PDE4D: variants seen among roughly 807,000 people sequenced by gnomAD.
PDE4D encodes phosphodiesterase 4D, also known as 3',5'-cyclic-AMP phosphodiesterase 4D.
In PDE4D, 24 loss-of-function variants were observed where a neutral mutation model predicts 87.4. The observed-to-expected ratio is 0.27, with a 90% CI of 0.20 to 0.39. The LOEUF is 0.39. Among genes scored for constraint, PDE4D ranks in the 10% least tolerant of loss-of-function variants. The pLI, the probability that PDE4D is intolerant of heterozygous loss-of-function variation, is 1.00. For missense variants in PDE4D, 714 were observed against 1,041.0 expected (o/e 0.69, Z 4.32); for synonymous variants, 384 against 383.2 (o/e 1.00, Z -0.02).
intron 3 of PDE4D, among the ~76,000 whole-genome samples, chr5:59,948,278 G>C (rs978578065): frequency 2.0e-5 from 3 of 152,148 alleles, no homozygotes; most frequent in African/African-American, 4.8e-5. Context: ...GGTTATGCCT[G>C]AATTTACATA....
At chr5:60,068,692 G>A (rs1772382680) in intron 2 of PDE4D, among the ~76,000 whole-genome samples, 1 of 152,026 alleles carries the variant, frequency 6.6e-6, no homozygotes, top group African/African-American at 2.4e-5. Flanking sequence ...CACCTCCCAG[G>A]TGCAAGCAAT....
intron 1 of PDE4D, among the ~76,000 whole-genome samples, chr5:60,417,562 T>C (rs959954761): frequency 6.6e-5 from 10 of 152,134 alleles, no homozygotes; most frequent in African/African-American, 2.4e-4. Flanking sequence ...TTATAATAAG[T>C]TGGAACAATA....
chr5:60,154,519 C>T (rs554047086), intron 2 of PDE4D, among the ~76,000 whole-genome samples: 1 of 152,280 alleles, frequency 6.6e-6, no homozygotes, highest in South Asian at 2.1e-4. Flanking sequence ...TATGATCCAT[C>T]CGCCTCAGCC....
At chr5:59,017,970 C>T (rs1472501590) in intron 6 of PDE4D, among the ~76,000 whole-genome samples, 2 of 152,206 alleles carry the variant, frequency 1.3e-5, no homozygotes, top group East Asian at 3.9e-4. Context: ...CATGTGAGTT[C>T]GAATCTTGGC....
chr5:60,043,201 T>C (rs1305612103), intron 2 of PDE4D, among the ~76,000 whole-genome samples: 2 of 151,094 alleles, frequency 1.3e-5, no homozygotes, highest in African/African-American at 2.4e-5. Context: ...ATATCAGAGA[T>C]TGAAGATCAA....
At chr5:60,133,296 T>G (rs1402899139) in intron 2 of PDE4D, among the ~76,000 whole-genome samples, 1 of 152,180 alleles carries the variant, frequency 6.6e-6, no homozygotes, top group Non-Finnish European at 1.5e-5. Flanking sequence ...GAGTTCATAC[T>G]CTGCCACTTA....
At chr5:59,863,960 TGA>T (rs1336607543) in intron 1 of PDE4D, among the ~76,000 whole-genome samples, 4 of 152,134 alleles carry the variant, frequency 2.6e-5, no homozygotes, top group African/African-American at 9.7e-5. Context: ...CCTGGAAGGC[TGA>T]GTCACTGAGC....
chr5:59,075,976 T>G (rs908206981), intron 5 of PDE4D, among the ~76,000 whole-genome samples: 10 of 152,262 alleles, frequency 6.6e-5, no homozygotes, highest in Middle Eastern at 3.4e-3. Context: ...ATTGCAGATC[T>G]TTCTAGAGAG....
At chr5:59,865,650 C>T (rs1020311006) in intron 1 of PDE4D, among the ~76,000 whole-genome samples, 3 of 152,118 alleles carry the variant, frequency 2.0e-5, no homozygotes, top group African/African-American at 2.4e-5. Context: ...GGTCTTTGTA[C>T]GCTCATATTT....
chr5:59,795,708 C>A (rs1766391937), intron 1 of PDE4D, among the ~76,000 whole-genome samples: 1 of 152,162 alleles, frequency 6.6e-6, no homozygotes, highest in Non-Finnish European at 1.5e-5. Flanking sequence ...CACCTCCATG[C>A]ACTACCCTGG....
At chr5:59,913,372 A>G (rs1245528549) in intron 3 of PDE4D, among the ~76,000 whole-genome samples, 1 of 152,178 alleles carries the variant, frequency 6.6e-6, no homozygotes, top group African/African-American at 2.4e-5. Flanking sequence ...CAGTTGTTAC[A>G]ATGTTCTGTT....
chr5:59,039,582 G>A (rs1377241574), intron 5 of PDE4D: 2 of 914,018 alleles, frequency 2.2e-6, no homozygotes, highest in Non-Finnish European at 2.6e-6. Flanking sequence ...AGCTTTCCGG[G>A]AACACTCCCC....
intron 1 of PDE4D, among the ~76,000 whole-genome samples, chr5:59,282,409 G>A (rs1765989998): frequency 6.6e-6 from 1 of 152,030 alleles, no homozygotes; most frequent in Non-Finnish European, 1.5e-5. Flanking sequence ...GGGAGGCCGA[G>A]ACGGGTGGAT....
intron 1 of PDE4D, among the ~76,000 whole-genome samples, chr5:59,331,598 G>A (rs1776737788): frequency 6.6e-6 from 1 of 152,144 alleles, no homozygotes; most frequent in African/African-American, 2.4e-5. Flanking sequence ...CCTATGGTAT[G>A]TGCTCTCAGT....
At chr5:59,574,264 A>G (rs1175618558) in intron 1 of PDE4D, among the ~76,000 whole-genome samples, 1 of 147,438 alleles carries the variant, frequency 6.8e-6, no homozygotes, top group Admixed American at 6.8e-5. Flanking sequence ...TTTTTTAACT[A>G]TTACATACAT....
chr5:60,363,339 T>C (rs1301062951), intron 1 of PDE4D, among the ~76,000 whole-genome samples: 3 of 152,336 alleles, frequency 2.0e-5, no homozygotes, highest in East Asian at 3.9e-4. Context: ...TACCATCTTT[T>C]ACTATTTCCT....
chr5:59,005,067 T>C (rs1402787572), intron 6 of PDE4D, among the ~76,000 whole-genome samples: 1 of 152,206 alleles, frequency 6.6e-6, no homozygotes, highest in South Asian at 2.1e-4. Context: ...TTTATACTGA[T>C]TATAGGTGAC....
chr5:59,745,800 A>T (rs894755511), intron 1 of PDE4D, among the ~76,000 whole-genome samples: 4 of 152,182 alleles, frequency 2.6e-5, no homozygotes, highest in African/African-American at 9.6e-5. Flanking sequence ...TGCAGGGCGC[A>T]CTCCTAAGAC....
At chr5:60,399,125 AT>A (rs1267081311) in intron 1 of PDE4D, among the ~76,000 whole-genome samples, 1 of 152,124 alleles carries the variant, frequency 6.6e-6, no homozygotes, top group Non-Finnish European at 1.5e-5. Context: ...TTCTAGGCCT[AT>A]TTTATAGTTG....
Sources: allele counts gnomAD v4.1 joint callset (sites outside exome capture counted in the v4.1 genomes callset), GRCh38; gene constraint gnomAD v4.1.1; transcripts MANE v1.5; gene names NCBI Gene and HGNC (gene_info 2026-07-23, HGNC 2026-07-21).